Variants in VDAC1 observed in about 807,000 individuals in gnomAD.
VDAC1 encodes the protein voltage dependent anion channel 1.
A neutral mutation model predicts 34.7 loss-of-function variants in VDAC1; 10 were observed. That is an observed-to-expected ratio of 0.29 (90% CI 0.18 to 0.49). The LOEUF is 0.49. VDAC1 is among the 20% of genes least tolerant of loss of function. The probability of loss-of-function intolerance (pLI) is 0.99; values close to 1 mark genes in which losing one functional copy is unlikely to be tolerated. For missense variants in VDAC1, 230 were observed against 347.9 expected (o/e 0.66, Z 2.69); for synonymous variants, 130 against 136.0 (o/e 0.96, Z 0.30).
the VDAC1 span, among the ~76,000 whole-genome samples, chr5:134,043,549 T>C: frequency 6.6e-6 from 1 of 152,058 alleles, no homozygotes; most frequent in East Asian, 1.9e-4. Context: ...TCTTTTTTTT[T>C]CCCAGACAAG....
chr5:134,082,825 C>T, the VDAC1 span, among the ~76,000 whole-genome samples: 1 of 152,292 alleles, frequency 6.6e-6, no homozygotes, highest in Admixed American at 6.5e-5. Flanking sequence ...TGACTAATGA[C>T]GTTGAGCATC....
At chr5:134,014,686 T>G in the VDAC1 span, among the ~76,000 whole-genome samples, 2 of 152,064 alleles carry the variant, frequency 1.3e-5, no homozygotes. Flanking sequence ...GCCAACATAG[T>G]GAAACCCCGT....
chr5:134,078,940 T>G, the VDAC1 span, among the ~76,000 whole-genome samples: 1 of 148,906 alleles, frequency 6.7e-6, no homozygotes, highest in African/African-American at 2.5e-5. Context: ...CGTGAGCCAC[T>G]GTGCCCGGTC....
At chr5:134,109,067 T>G in the VDAC1 span, among the ~76,000 whole-genome samples, 2 of 152,208 alleles carry the variant, frequency 1.3e-5, no homozygotes, top group African/African-American at 4.8e-5. Context: ...GTGAGTTGCC[T>G]GACGGCAGGT....
chr5:134,096,987 C>CT, the VDAC1 span, among the ~76,000 whole-genome samples: 1 of 152,254 alleles, frequency 6.6e-6, no homozygotes, highest in Non-Finnish European at 1.5e-5. Context: ...TTTCCTGGGA[C>CT]TTAGCCTATT....
At chr5:134,055,591 T>TTTG in the VDAC1 span, among the ~76,000 whole-genome samples, 551 of 32,446 alleles carry the variant, frequency 0.017, 26 homozygotes, top group African/African-American at 0.047. Flanking sequence ...CGCTAATGTT[T>TTTG]TTTTTTTTTT....
At chr5:133,981,210 G>A (rs962203881) in intron 5 of VDAC1, among the ~76,000 whole-genome samples, 4 of 152,022 alleles carry the variant, frequency 2.6e-5, no homozygotes, top group Non-Finnish European at 5.9e-5. Context: ...AAATAAATAC[G>A]AAGTAACTTT....
the VDAC1 span, among the ~76,000 whole-genome samples, chr5:134,080,604 C>T: frequency 3.9e-5 from 6 of 152,212 alleles, no homozygotes; most frequent in Admixed American, 6.5e-5. Context: ...GTATCATGGG[C>T]AGGTTAAGTG....
At chr5:134,101,057 G>C in the VDAC1 span, among the ~76,000 whole-genome samples, 10 of 152,252 alleles carry the variant, frequency 6.6e-5, no homozygotes, top group Admixed American at 6.5e-5. Flanking sequence ...GCTGATTTCT[G>C]TTGCTTGCAA....
At chr5:134,017,976 G>C in the VDAC1 span, among the ~76,000 whole-genome samples, 1 of 152,228 alleles carries the variant, frequency 6.6e-6, no homozygotes, top group Non-Finnish European at 1.5e-5. Flanking sequence ...AAAGGCAGGT[G>C]ACTGACGTAG....
chr5:134,030,280 G>A, the VDAC1 span, among the ~76,000 whole-genome samples: 14 of 151,958 alleles, frequency 9.2e-5, no homozygotes, highest in Middle Eastern at 3.4e-3. Context: ...GTGGAGGTCC[G>A]CGGTGAGCAA....
At chr5:134,098,452 T>G in the VDAC1 span, among the ~76,000 whole-genome samples, 1 of 152,040 alleles carries the variant, frequency 6.6e-6, no homozygotes, top group African/African-American at 2.4e-5. Flanking sequence ...CTCAAACTCC[T>G]GACTTCGGGT....
the VDAC1 span, among the ~76,000 whole-genome samples, chr5:134,051,116 T>C: frequency 6.6e-6 from 1 of 152,220 alleles, no homozygotes; most frequent in African/African-American, 2.4e-5. Context: ...GAGCACCTTC[T>C]TCCAGTTTCC....
the VDAC1 span, among the ~76,000 whole-genome samples, chr5:134,072,901 C>T: frequency 6.6e-6 from 1 of 152,170 alleles, no homozygotes; most frequent in Non-Finnish European, 1.5e-5. Flanking sequence ...TATGAAAACC[C>T]CAGAGCACTT....
chr5:134,053,199 A>G, the VDAC1 span, among the ~76,000 whole-genome samples: 3 of 152,198 alleles, frequency 2.0e-5, no homozygotes, highest in African/African-American at 7.2e-5. Context: ...TTCAGATCAG[A>G]CTGACTCCAA....
At chr5:133,976,332 CCT>C in intron 6 of VDAC1, 1 of 223,232 alleles carries the variant, frequency 4.5e-6, no homozygotes, top group Non-Finnish European at 9.0e-6. Context: ...ATGGTGAAAC[CCT>C]GTTTCTACTA....
At chr5:134,046,776 G>T in the VDAC1 span, among the ~76,000 whole-genome samples, 1 of 152,232 alleles carries the variant, frequency 6.6e-6, no homozygotes, top group African/African-American at 2.4e-5. Context: ...TGTACACAGA[G>T]TGGTCAATAG....
In VDAC1 at chr5:133,985,641, A is replaced by G. The variant is rs188329988; in HGVS notation, c.324-4685T>C. 1.3e-3 allele frequency among the ~76,000 whole-genome samples: 201 copies of G among 152,320 alleles called. 1 individual carries two copies. In the Middle Eastern group the frequency reaches 0.017, roughly 13 times the overall value. ...TGCACTCCAGCCTGAGCGACAGAGC[A>G]AGATGTCTCAAGAAAAAAGAAAAAG... On this transcript the variant is annotated intron_variant, in intron 5 of 8. Coordinates refer to ENST00000265333, the MANE Select transcript of VDAC1 (RefSeq NM_003374.3).
At chr5:134,004,843 A>G (rs1393818970) in intron 1 of VDAC1, 52 bp downstream of exon 1, 1 of 150,956 alleles carries the variant, frequency 6.6e-6, no homozygotes, top group African/African-American at 2.4e-5. Flanking sequence ...CGCCCGGGAC[A>G]GCGTCCAGGC....
Sources: gnomAD v4.1 joint callset for allele counts (sites outside exome capture counted in the v4.1 genomes callset) on GRCh38, gnomAD v4.1.1 for gene constraint, MANE v1.5 for transcripts, NCBI Gene and HGNC (gene_info 2026-07-23, HGNC 2026-07-21) for gene names.